The following SRPRB variants were observed in gnomAD, a reference collection of about 807,000 sequenced individuals.
SRPRB encodes signal recognition particle receptor subunit beta.
SRPRB carries 20 observed loss-of-function variants against 31.9 expected under a neutral mutation model. The observed-to-expected ratio is 0.63, with a 90% confidence interval of 0.44 to 0.91. SRPRB has a LOEUF of 0.91. Ranked by LOEUF, SRPRB falls within the 40% of genes least tolerant of loss-of-function variation. The pLI is 0.00. For missense variants in SRPRB, 321 were observed against 324.9 expected, an observed-to-expected ratio of 0.99 and a Z score of 0.09; for synonymous variants, 146 against 132.8, an observed-to-expected ratio of 1.10 and a Z score of -0.68.
intron 1 of SRPRB, chr3:133,784,482 ATAAT>A (rs1214342488): frequency 1.4e-5 from 2 of 142,544 alleles, no homozygotes; most frequent in East Asian, 2.0e-4. Flanking sequence ...AATAATAATA[ATAAT>A]AATAATAATA....
At chr3:133,821,971 T>G (rs1006292566), downstream of SRPRB, among the ~76,000 whole-genome samples, 31 of 152,200 alleles carry the variant, frequency 2.0e-4, 1 homozygote, top group Non-Finnish European at 4.0e-4. Flanking sequence ...TCCGTTCTTG[T>G]GGCTTTGGGC....
At chr3:133,809,219 C>T (rs1209381203) in intron 3 of SRPRB, among the ~76,000 whole-genome samples, 1 of 152,116 alleles carries the variant, frequency 6.6e-6, no homozygotes, top group Non-Finnish European at 1.5e-5. Context: ...TCTTGAACTC[C>T]TGACCTCAAG....
chr3:133,784,508 A>AATAATG (rs1559882894), intron 1 of SRPRB: 1 of 151,056 alleles, frequency 6.6e-6, no homozygotes, highest in African/African-American at 2.4e-5. Context: ...TAATAATAAT[A>AATAATG]GGACATAAAT....
chr3:133,811,040 C>A, intron 3 of SRPRB, 77 bp from the exon 4 acceptor site: 1 of 1,399,800 alleles, frequency 7.1e-7, no homozygotes, highest in Non-Finnish European at 9.9e-7. Context: ...GTTTGGTAGC[C>A]AATATATGAT....
chr3:133,813,604 A>T, intron 4 of SRPRB, among the ~76,000 whole-genome samples: 1 of 152,254 alleles, frequency 6.6e-6, no homozygotes, highest in Middle Eastern at 3.4e-3. Context: ...TGTAGTTTGT[A>T]GTATTTTCTT....
downstream of SRPRB, chr3:133,824,371 GCTC>G (rs1469759481): frequency 6.6e-6 from 1 of 152,190 alleles, no homozygotes; most frequent in African/African-American, 2.4e-5. Context: ...CACCCTCTGT[GCTC>G]CTCACAGCCA....
intron 2 of SRPRB, among the ~76,000 whole-genome samples, chr3:133,807,470 A>G (rs1468804426): frequency 2.0e-5 from 3 of 152,080 alleles, no homozygotes; most frequent in Non-Finnish European, 4.4e-5. Context: ...CCCAGGCTTC[A>G]AATCATTTTT....
chr3:133,794,148 A>T (rs888474132), intron 1 of SRPRB: 1 of 152,238 alleles, frequency 6.6e-6, no homozygotes, highest in Non-Finnish European at 1.5e-5. Flanking sequence ...GCATGAACTC[A>T]TGGAGAACCA....
At chr3:133,810,828 C>T (rs1243087168) in intron 3 of SRPRB, 1 of 271,330 alleles carries the variant, frequency 3.7e-6, no homozygotes, top group Non-Finnish European at 7.0e-6. Flanking sequence ...CTCCCCCAGA[C>T]AGGTTTTTCC....
intron 1 of SRPRB, among the ~76,000 whole-genome samples, chr3:133,797,520 T>C (rs56245543): frequency 0.13 from 19,529 of 152,304 alleles, 1,409 homozygotes; most frequent in East Asian, 0.2. Flanking sequence ...AGATTAAAAA[T>C]AGAGGGCTAA....
intron 6 of SRPRB, among the ~76,000 whole-genome samples, chr3:133,817,735 C>T (rs1935391475): frequency 6.6e-6 from 1 of 152,236 alleles, no homozygotes; most frequent in South Asian, 2.1e-4. Flanking sequence ...CTTTTCTCCC[C>T]ACTATGACTT....
chr3:133,787,368 G>C (rs1301027622), intron 1 of SRPRB: 2 of 152,304 alleles, frequency 1.3e-5, no homozygotes, highest in African/African-American at 2.4e-5. Context: ...AGAGAAGGGA[G>C]TGAGGAAGGA....
At position 133,818,270 on chromosome 3, in the gene SRPRB, C is replaced by A. The variant is rs117494330; in HGVS notation, c.603-1283C>A. On this transcript the variant is annotated intron_variant, in intron 6 of 6. Transcript: ENST00000678299. ...CTTGGGTTATTTTTAACAGTACAGT[C>A]CAAGTCTCCCGTGGTTAAAACACAT... Among the ~76,000 whole-genome samples the A allele has an allele frequency of 1.2e-4, 19 of 152,298 alleles. No individual in the cohort carries two copies. The East Asian group carries it at 3.5e-3, about 28-fold the overall frequency.
chr3:133,813,858 G>A (rs1405945063), intron 4 of SRPRB, among the ~76,000 whole-genome samples: 2 of 152,216 alleles, frequency 1.3e-5, no homozygotes, highest in Non-Finnish European at 2.9e-5. Flanking sequence ...GGGGCCATAG[G>A]GCTTCAATAA....
chr3:133,812,865 G>A (rs1407229328), intron 4 of SRPRB, among the ~76,000 whole-genome samples: 1 of 151,998 alleles, frequency 6.6e-6, no homozygotes, highest in Non-Finnish European at 1.5e-5. Flanking sequence ...GAATTACCAG[G>A]ATGCTTATGG....
intron 3 of SRPRB, among the ~76,000 whole-genome samples, chr3:133,808,362 C>T (rs1353977966): frequency 6.6e-6 from 1 of 151,558 alleles, no homozygotes; most frequent in Non-Finnish European, 1.5e-5. Context: ...TTATTTTTCT[C>T]ATACGGCTGA....
chr3:133,823,293 CTG>C (rs1462626076), downstream of SRPRB, among the ~76,000 whole-genome samples: 2 of 147,542 alleles, frequency 1.4e-5, no homozygotes, highest in African/African-American at 5.0e-5. Flanking sequence ...GAGTCTCACT[CTG>C]TCGCCCAGGC....
chr3:133,793,527 A>G (rs770218007), intron 1 of SRPRB: 14 of 152,162 alleles, frequency 9.2e-5, no homozygotes, highest in Non-Finnish European at 1.6e-4. Flanking sequence ...TTCAGGTTAT[A>G]TTTTAGTGAA....
intron 1 of SRPRB, among the ~76,000 whole-genome samples, chr3:133,800,502 G>A (rs191275330): frequency 1.2e-3 from 186 of 152,312 alleles, no homozygotes; most frequent in Non-Finnish European, 2.4e-3. Context: ...AGCTGCCCAA[G>A]CTGCCTGGCC....
Sources: gnomAD v4.1 joint callset for allele counts (sites outside exome capture counted in the v4.1 genomes callset) on GRCh38, gnomAD v4.1.1 for gene constraint, MANE v1.5 for transcripts, NCBI Gene and HGNC (gene_info 2026-07-23, HGNC 2026-07-21) for gene names.